The following ETFDH variants were observed in gnomAD, a reference collection of about 807,000 sequenced individuals.
The protein encoded by ETFDH is electron transfer flavoprotein-ubiquinone oxidoreductase, mitochondrial.
Under a neutral mutation model 73.2 loss-of-function variants are expected in ETFDH, and 61 were observed. The ratio of observed to expected loss-of-function variants is 0.83; its 90% CI spans 0.68 to 1.03. The LOEUF (loss-of-function observed/expected upper bound fraction) is 1.03. Ranked by LOEUF, ETFDH falls within the 50% of genes least tolerant of loss-of-function variation. The pLI is 0.00. For missense variants in ETFDH, 685 were observed against 745.0 expected (o/e 0.92, Z 0.94); for synonymous variants, 243 against 253.3 (o/e 0.96, Z 0.39).
At chr4:158,672,945 C>G (rs1273930598) in intron 1 of ETFDH, among the ~76,000 whole-genome samples, 1 of 152,224 alleles carries the variant, frequency 6.6e-6, no homozygotes, top group Admixed American at 6.5e-5. Context: ...TCTGTCACAT[C>G]ATGGTTAACA....
intron 5 of ETFDH, among the ~76,000 whole-genome samples, chr4:158,688,666 C>G (rs902649863): frequency 1.3e-5 from 2 of 151,922 alleles, no homozygotes; most frequent in Non-Finnish European, 2.9e-5. Context: ...GAGCAAGAGT[C>G]CATCTCAAAA....
At chr4:158,685,262 C>A (rs1773975890) in intron 5 of ETFDH, 43 bp downstream of exon 5, 1 of 1,029,768 alleles carries the variant, frequency 9.7e-7, no homozygotes, top group African/African-American at 1.6e-5. Context: ...TAGGAACTCT[C>A]TTTTTTTAAT....
chr4:158,705,096 TGACTGGAAAAA>T (rs2126312216), intron 10 of ETFDH, among the ~76,000 whole-genome samples: 1 of 152,276 alleles, frequency 6.6e-6, no homozygotes, highest in South Asian at 2.1e-4. Context: ...CAGGAAACAA[TGACTGGAAAAA>T]GTAGTCATGT....
In ETFDH at chr4:158,695,615, C is replaced by T. The variant is rs767842072; in HGVS notation, c.803C>T (p.Pro268Leu). 2.5e-6 allele frequency: 4 copies of T among 1,611,612 alleles called. No individual in the cohort carries two copies. The highest frequency in any genetic ancestry group is 3.4e-6 in the Non-Finnish European group (4 of 1,177,798). ...TTTGATTTGAGAGCAAATTGTGAAC[C>T]TCAAACCTACGGGATTGGACTGAAG... ...KKFDLRANCE[P>L]QTYGIGLKEL... Residue 268 changes from proline (P) to leucine (L), a missense_variant, in exon 7 of 13, where the codon CCT becomes CTT. By Grantham distance (98) the Pro-to-Leu change is moderately conservative (BLOSUM62 -3). Around this residue, in one of 3 missense-constraint regions of ETFDH, gnomAD observed 405 missense variants for 399.3 expected, o/e 1.01. Coordinates refer to ENST00000511912, the MANE Select transcript of ETFDH (RefSeq NM_004453.4).
rs1388384947 is a variant in ETFDH, at chr4:158,672,393, G to T, written c.-64G>T. 6.3e-7 allele frequency: 1 copy of T among 1,586,118 alleles called. No individual in the cohort carries two copies. Among genetic ancestry groups the T allele is most frequent in the Non-Finnish European group, 8.7e-7 (1 of 1,155,112 alleles). On this transcript the variant is annotated 5_prime_UTR_variant, in exon 1 of 13. Coordinates refer to ENST00000511912, the MANE Select transcript of ETFDH (RefSeq NM_004453.4). ...GCCCCCCGCGGCCTAGAGGTCCAGC[G>T]CCCGCCGCGAGCAGCGGACAGTCCT...
At chr4:158,688,889 G>T (rs369772965) in intron 5 of ETFDH, among the ~76,000 whole-genome samples, 1 of 151,898 alleles carries the variant, frequency 6.6e-6, no homozygotes, top group African/African-American at 2.4e-5. Context: ...AAAATATCTC[G>T]TTTTTTTGTT....
chr4:158,680,410 G>A, intron 1 of ETFDH, 57 bp from the exon 2 acceptor site: 3 of 1,271,066 alleles, frequency 2.4e-6, no homozygotes, highest in Non-Finnish European at 2.3e-6. Context: ...TATTTTTTCA[G>A]TCTACTGAGG....
rs1561252970 is a variant in ETFDH, at chr4:158,708,657, T to G, written c.*130T>G. The G allele has an allele frequency of 1.5e-5, 12 of 788,046 alleles. No homozygotes were observed. The highest frequency in any genetic ancestry group is 1.9e-5 in the Non-Finnish European group (9 of 466,642). The allele number at this position is 788,046 out of a possible 1,614,324, so 48.8% of individuals were successfully genotyped here. A position where few individuals can be genotyped will look rare whatever the true frequency, so the allele number is the denominator to read the frequency against. On this transcript the variant is annotated 3_prime_UTR_variant, in exon 13 of 13. Transcript: ENST00000511912. Reference sequence around the variant, plus strand: ...CACAAAATGATTATCAAATAAAAATTTTATACTATATGTAAGATTGTCCCA... The same window carrying G: ...CACAAAATGATTATCAAATAAAAATGTTATACTATATGTAAGATTGTCCCA...
intron 2 of ETFDH, chr4:158,681,568 C>G (rs1275771833): frequency 6.5e-6 from 1 of 152,904 alleles, no homozygotes; most frequent in Non-Finnish European, 1.5e-5. Context: ...ACTGCTCACT[C>G]AGTCACTCAC....
At chr4:158,702,174 C>G (rs2126307218) in intron 9 of ETFDH, among the ~76,000 whole-genome samples, 1 of 150,912 alleles carries the variant, frequency 6.6e-6, no homozygotes, top group South Asian at 2.1e-4. Flanking sequence ...TTTTATATGC[C>G]CTTTGAAATT....
chr4:158,677,286 T>C lies in ETFDH; in HGVS notation c.35-3181T>C, dbSNP rs550139186. 3.0e-4 allele frequency among the ~76,000 whole-genome samples: 45 copies of C among 152,320 alleles called. 2 individuals are homozygous for C. In the South Asian group the frequency reaches 9.3e-3, roughly 32 times the overall value. On this transcript the variant is annotated intron_variant, in intron 1 of 12. Coordinates refer to ENST00000511912, the MANE Select transcript of ETFDH (RefSeq NM_004453.4). ...GGTTACAGCTTGATTTTATACATTT[T>C]AGGGAGAAAAGTTACAGGCAAAGAC...
chr4:158,693,448 G>C (rs1774231413), intron 6 of ETFDH, among the ~76,000 whole-genome samples: 1 of 152,138 alleles, frequency 6.6e-6, no homozygotes, highest in African/African-American at 2.4e-5. Context: ...AGGCTGTGTG[G>C]CTCCACGGCC....
rs121964956 is a variant in ETFDH at position 158,682,399 on chromosome 4, T to A, written c.380T>A (p.Leu127His). 2 of 1,614,162 alleles carry A rather than the reference T, an allele frequency of 1.2e-6. No homozygotes were observed. The highest frequency in any genetic ancestry group is 4.5e-5 in the East Asian group (2 of 44,892). ...ACLDPGAFKELFPDWKEKGAP... is the reference protein window; with the variant it reads ...ACLDPGAFKEHFPDWKEKGAP... ...CTTGATCCAGGTGCTTTTAAAGAAC[T>A]CTTCCCAGACTGGAAAGAGAAGGGG... Residue 127 changes from leucine (L) to histidine (H), a missense_variant, in exon 3 of 13, where the codon CTC (leucine) becomes CAC (histidine). Around this residue, in one of 3 missense-constraint regions of ETFDH, gnomAD observed 405 missense variants for 399.3 expected, o/e 1.01. Coordinates refer to ENST00000511912, the MANE Select transcript of ETFDH (RefSeq NM_004453.4).
chr4:158,706,790 A>T lies in ETFDH; in HGVS notation c.1630A>T (p.Ile544Leu), dbSNP rs777549428. ...PAHLTLRDDS[I>L]PVNRNLSIYD... ...ACACTTAACCTTAAGGGATGACAGT[A>T]TACCTGTAAATAGAAATCTGTCGAT... The change falls in exon 12 of 13, where the codon ATA becomes TTA. Residue 544 changes from isoleucine (I) to leucine (L), a missense_variant. Coordinates refer to ENST00000511912, the MANE Select transcript of ETFDH (RefSeq NM_004453.4). 6.2e-7 allele frequency: 1 copy of T among 1,614,004 alleles called. No homozygotes were observed. The highest frequency in any genetic ancestry group is 1.3e-5 in the African/African-American group (1 of 75,054).
At position 158,682,216 on chromosome 4, in the gene ETFDH, CAGA is replaced by C; in HGVS notation, c.203_205del (p.Glu68del). The C allele has an allele frequency of 6.2e-7, 1 of 1,614,080 alleles. No homozygotes were observed. The highest frequency in any genetic ancestry group is 8.5e-7 in the Non-Finnish European group (1 of 1,179,958). On this transcript the variant is annotated inframe_deletion, in exon 3 of 13. Coordinates refer to ENST00000511912, the MANE Select transcript of ETFDH (RefSeq NM_004453.4). ...CCAGGAGTGAACATGGAAAGGTTTG[CAGA>C]AGAAGCAGATGTTGTAATAGTTGGT...
chr4:158,701,904 C>T (rs186476582), intron 9 of ETFDH, among the ~76,000 whole-genome samples: 1 of 152,196 alleles, frequency 6.6e-6, no homozygotes, highest in Non-Finnish European at 1.5e-5. Context: ...AAAAATATCC[C>T]ACCCTTATTA....
At chr4:158,698,517 G>T (rs1248457522) in intron 8 of ETFDH, among the ~76,000 whole-genome samples, 1 of 151,044 alleles carries the variant, frequency 6.6e-6, no homozygotes, top group African/African-American at 2.4e-5. Context: ...CTTTATTTTT[G>T]CCCCAGTTGT....
At chr4:158,681,797 C>A (rs1181831201) in intron 2 of ETFDH, 4 of 271,704 alleles carry the variant, frequency 1.5e-5, no homozygotes, top group Admixed American at 5.0e-5. Context: ...ACCCTGTTGC[C>A]TAGGTGTATC....
At chr4:158,682,112 C>T in intron 2 of ETFDH, 83 bp from the exon 3 acceptor site, 1 of 1,588,568 alleles carries the variant, frequency 6.3e-7, no homozygotes, top group East Asian at 2.2e-5. Flanking sequence ...TACTCTAAAG[C>T]ACAGTGGATA....
Sources: allele counts gnomAD v4.1 joint callset (sites outside exome capture counted in the v4.1 genomes callset), GRCh38; gene constraint gnomAD v4.1.1; regional missense constraint gnomAD v4.1.1; transcripts MANE v1.5; gene names NCBI Gene and HGNC (gene_info 2026-07-23, HGNC 2026-07-21).